CFAP77: variants seen among roughly 807,000 people sequenced by gnomAD.
The protein encoded by CFAP77 is cilia- and flagella-associated protein 77.
CFAP77 carries 25 observed loss-of-function variants against 31.1 expected under a neutral mutation model. That is an observed-to-expected ratio of 0.80 (90% confidence interval 0.59 to 1.12). CFAP77 has a LOEUF of 1.12. Among genes scored for constraint, CFAP77 ranks in the 50% most tolerant of loss-of-function variants. The probability of loss-of-function intolerance (pLI) is 0.00; values close to 1 mark genes in which losing one functional copy is unlikely to be tolerated. For synonymous variants in CFAP77, 151 were observed against 159.9 expected (o/e 0.94, Z 0.42); for missense variants, 377 against 397.3 (o/e 0.95, Z 0.44).
In CFAP77 at chr9:132,565,255, G is replaced by A. The variant is rs951920755; in HGVS notation, c.733-7133G>A. 1.3e-5 allele frequency among the ~76,000 whole-genome samples: 2 copies of A among 151,688 alleles called. No individual in the cohort carries two copies. The highest frequency in any genetic ancestry group is 2.4e-5 in the African/African-American group (1 of 41,206). On this transcript the variant is annotated intron_variant, in intron 5 of 5. Transcript: ENST00000393216. This position sits in a 1 kb window ranked among gnomAD's most constrained non-coding sequence, Gnocchi z 4.1. ...CTCCTTTGCCCCTTCCTTTGCCCCT[G>A]GCTTGCTCCTTCATCCTCCCCAGAG...
chr9:132,542,931 T>G lies in CFAP77; in HGVS notation c.631-15T>G, dbSNP rs773286184. ...CCGGGCAACCATCTCACCTTTGCCT[T>G]TCCCTGGCCTACAGGTGGTCCTTGG... On this transcript the variant is annotated splice_polypyrimidine_tract_variant and intron_variant, in intron 4 of 5. Transcript: ENST00000393216. The G allele has an allele frequency of 6.2e-7, 1 of 1,610,256 alleles. No individual in the cohort carries two copies. Among genetic ancestry groups the G allele is most frequent in the Non-Finnish European group, 8.5e-7 (1 of 1,176,462 alleles).
chr9:132,554,909 T>TATGCATGC lies in CFAP77; in HGVS notation c.732+11873_732+11880dup, dbSNP rs143850114. Among the ~76,000 whole-genome samples, 2 of 148,090 alleles carry TATGCATGC rather than the reference T, an allele frequency of 1.4e-5. No individual in the cohort carries two copies. The highest frequency in any genetic ancestry group is 2.0e-4 in the East Asian group (1 of 4,934). On this transcript the variant is annotated intron_variant, in intron 5 of 5. Transcript: ENST00000393216. This position sits in a 1 kb window ranked among gnomAD's most constrained non-coding sequence, Gnocchi z 4.1. ...CCAACCATCTATCTATCCATCCATCTATGCATGCATGCATGCATCCATCCA... is the reference window on the plus strand; with the variant it reads ...CCAACCATCTATCTATCCATCCATCTATGCATGCATGCATGCATGCATGCATCCATCCA...
At chr9:132,525,059 G>A (rs555148232) in intron 3 of CFAP77, among the ~76,000 whole-genome samples, 1 of 143,630 alleles carries the variant, frequency 7.0e-6, no homozygotes, top group South Asian at 2.3e-4. Context: ...TCATTGTGAC[G>A]CCCAGGTTGG....
At chr9:132,525,773 A>G (rs538197618) in intron 3 of CFAP77, among the ~76,000 whole-genome samples, 1 of 152,342 alleles carries the variant, frequency 6.6e-6, no homozygotes, top group South Asian at 2.1e-4. Context: ...CTATTTCCCA[A>G]TGCCTGGAAA....
intron 1 of CFAP77, among the ~76,000 whole-genome samples, chr9:132,461,255 GC>G (rs1851045354): frequency 4.6e-5 from 7 of 152,292 alleles, no homozygotes; most frequent in Middle Eastern, 3.4e-3. Context: ...TGGGCAAAGC[GC>G]CCCTCGTTTT....
intron 1 of CFAP77, among the ~76,000 whole-genome samples, chr9:132,474,343 C>G (rs193068263): frequency 1.3e-4 from 20 of 152,294 alleles, no homozygotes; most frequent in Non-Finnish European, 2.6e-4. Flanking sequence ...TTCATTTATT[C>G]ACTCACTCAC....
chr9:132,447,755 T>C (rs1850751140), intron 1 of CFAP77, among the ~76,000 whole-genome samples: 1 of 152,166 alleles, frequency 6.6e-6, no homozygotes, highest in Non-Finnish European at 1.5e-5. Flanking sequence ...TCTAGAATAC[T>C]AAAAGGTAGA....
intron 1 of CFAP77, among the ~76,000 whole-genome samples, chr9:132,428,795 C>T (rs1378104813): frequency 6.8e-6 from 1 of 146,760 alleles, no homozygotes; most frequent in Non-Finnish European, 1.5e-5. Context: ...CTTCAGGGCA[C>T]AGTCAGCACT....
chr9:132,432,066 C>T (rs1466577334), intron 1 of CFAP77, among the ~76,000 whole-genome samples: 2 of 152,098 alleles, frequency 1.3e-5, no homozygotes, highest in Non-Finnish European at 2.9e-5. Context: ...TGAAATCAGA[C>T]AGGGAAAAAT....
chr9:132,547,192 G>A (rs1400292528), intron 5 of CFAP77, among the ~76,000 whole-genome samples: 1 of 152,216 alleles, frequency 6.6e-6, no homozygotes, highest in Non-Finnish European at 1.5e-5. Context: ...GGCCAGCAAG[G>A]AGTAATGTGG....
In CFAP77 at chr9:132,503,787, G is replaced by A. The variant is rs1485509670; in HGVS notation, c.524+4187G>A. 7.9e-5 allele frequency among the ~76,000 whole-genome samples: 12 copies of A among 152,230 alleles called. No individual in the cohort carries two copies. In the East Asian group the frequency reaches 1.3e-3, roughly 17 times the overall value. On this transcript the variant is annotated intron_variant, in intron 3 of 5. Coordinates refer to ENST00000393216, the MANE Select transcript of CFAP77 (RefSeq NM_001282957.2). Reference sequence around the variant, plus strand: ...AATAGAGCCGGGTGCAGTGGCTCACGCCTGTAATCCCAGCAGTTTGGGAGG... The same window carrying A: ...AATAGAGCCGGGTGCAGTGGCTCACACCTGTAATCCCAGCAGTTTGGGAGG...
At chr9:132,566,763 C>T (rs976917848) in intron 5 of CFAP77, among the ~76,000 whole-genome samples, 48 of 152,198 alleles carry the variant, frequency 3.2e-4, no homozygotes, top group African/African-American at 1.1e-3. Flanking sequence ...CTCCAGACTC[C>T]GCCTCGCTGG....
chr9:132,440,852 T>G (rs1216983814), intron 1 of CFAP77, among the ~76,000 whole-genome samples: 1 of 152,188 alleles, frequency 6.6e-6, no homozygotes, highest in Non-Finnish European at 1.5e-5. Flanking sequence ...CTGCAAGCTG[T>G]GCAGGCTGCC....
intron 1 of CFAP77, among the ~76,000 whole-genome samples, chr9:132,433,971 T>TAAAA (rs1229342874): frequency 0.16 from 20,211 of 129,522 alleles, 1,525 homozygotes; most frequent in African/African-American, 0.17. Context: ...ACCCCATGTG[T>TAAAA]AAAAAAAAAA....
chr9:132,493,596 G>A (rs985364782), intron 1 of CFAP77, among the ~76,000 whole-genome samples: 5 of 152,196 alleles, frequency 3.3e-5, no homozygotes, highest in Non-Finnish European at 7.3e-5. Context: ...AAGGGTACAC[G>A]TTGGGTCAAC....
intron 1 of CFAP77, among the ~76,000 whole-genome samples, chr9:132,438,382 A>G (rs1280909554): frequency 1.3e-5 from 2 of 151,234 alleles, no homozygotes; most frequent in African/African-American, 4.9e-5. Flanking sequence ...GAGCTGATAG[A>G]GACTGATTTT....
At chr9:132,438,134 G>A (rs550161819) in intron 1 of CFAP77, among the ~76,000 whole-genome samples, 4 of 150,064 alleles carry the variant, frequency 2.7e-5, no homozygotes, top group African/African-American at 7.4e-5. Context: ...CCCAGGAGGC[G>A]GAGGTTGTAT....
At chr9:132,557,272 C>A in intron 5 of CFAP77, among the ~76,000 whole-genome samples, 1 of 152,258 alleles carries the variant, frequency 6.6e-6, no homozygotes, top group South Asian at 2.1e-4. Context: ...CTTGCTGGGC[C>A]CAGGTGTTTC....
chr9:132,435,839 C>T (rs1478769302), intron 1 of CFAP77, among the ~76,000 whole-genome samples: 1 of 152,210 alleles, frequency 6.6e-6, no homozygotes, highest in Non-Finnish European at 1.5e-5. Flanking sequence ...GATGTCAGCT[C>T]ATGACTTTAT....
Sources: allele counts gnomAD v4.1 joint callset (sites outside exome capture counted in the v4.1 genomes callset), GRCh38; gene constraint gnomAD v4.1.1; non-coding constraint Gnocchi (gnomAD v3.1); transcripts MANE v1.5; gene names NCBI Gene and HGNC (gene_info 2026-07-23, HGNC 2026-07-21).